Variants in CLASP1 observed in about 807,000 individuals in gnomAD.
The protein encoded by CLASP1 is cytoplasmic linker associated protein 1, also known as CLIP-associating protein 1.
In CLASP1, 38 loss-of-function variants were observed where a neutral mutation model predicts 192.3. The observed-to-expected ratio is 0.20, with a 90% CI of 0.15 to 0.26. The LOEUF is 0.26. CLASP1 is among the 10% of genes least tolerant of loss of function. The pLI, the probability that CLASP1 is intolerant of heterozygous loss-of-function variation, is 1.00. For missense variants in CLASP1, 1,433 were observed against 1,932.5 expected (o/e 0.74, Z 4.85); for synonymous variants, 691 against 712.8 (o/e 0.97, Z 0.49).
chr2:121,598,801 G>T (rs984911207), intron 2 of CLASP1, among the ~76,000 whole-genome samples: 3 of 152,206 alleles, frequency 2.0e-5, no homozygotes, highest in Admixed American at 2.0e-4. Flanking sequence ...ATATACATCT[G>T]TCTGTAAAGA....
chr2:121,426,628 G>GT (rs1414871422), intron 21 of CLASP1, among the ~76,000 whole-genome samples: 1 of 151,950 alleles, frequency 6.6e-6, no homozygotes, highest in Non-Finnish European at 1.5e-5. Context: ...TAAAAATTGT[G>GT]TATTAAGCCT....
intron 7 of CLASP1, among the ~76,000 whole-genome samples, chr2:121,510,657 G>A (rs116456164): frequency 0.041 from 6,176 of 151,718 alleles, 436 homozygotes; most frequent in African/African-American, 0.14. Context: ...AATTACCCGC[G>A]CATGGTAGCA....
At chr2:121,484,247 CAAGT>C (rs1393084716) in intron 8 of CLASP1, among the ~76,000 whole-genome samples, 6 of 152,178 alleles carry the variant, frequency 3.9e-5, no homozygotes, top group African/African-American at 1.4e-4. Flanking sequence ...CCAAATAGGT[CAAGT>C]GAGTGTGCCA....
intron 1 of CLASP1, among the ~76,000 whole-genome samples, chr2:121,615,795 A>AT (rs2066357064): frequency 6.6e-6 from 1 of 152,202 alleles, no homozygotes; most frequent in Admixed American, 6.5e-5. Flanking sequence ...AAAAAAATAA[A>AT]TAAAATACAA....
At chr2:121,348,555 G>A in exon 38 of CLASP1, 1 of 1,613,220 alleles carries the variant, frequency 6.2e-7, no homozygotes, top group Non-Finnish European at 8.5e-7. Context: ...CTGCAGCAAT[G>A]ACTCCTTTGC....
chr2:121,380,457 T>A (rs1574066894), intron 33 of CLASP1, among the ~76,000 whole-genome samples: 1 of 152,112 alleles, frequency 6.6e-6, no homozygotes, highest in South Asian at 2.1e-4. Flanking sequence ...AATTCCTTAA[T>A]CAGCCAATAG....
intron 6 of CLASP1, among the ~76,000 whole-genome samples, chr2:121,516,341 G>A (rs1346291632): frequency 6.6e-6 from 1 of 152,190 alleles, no homozygotes; most frequent in African/African-American, 2.4e-5. Flanking sequence ...TCACATTAGG[G>A]GATGTCAAGG....
chr2:121,355,303 A>G (rs1226077906), intron 37 of CLASP1, among the ~76,000 whole-genome samples: 1 of 151,888 alleles, frequency 6.6e-6, no homozygotes, highest in Non-Finnish European at 1.5e-5. Flanking sequence ...ATTTTTTTGT[A>G]TTTTTAGTAG....
At chr2:121,599,468 G>A (rs1200643748) in intron 2 of CLASP1, among the ~76,000 whole-genome samples, 8 of 150,216 alleles carry the variant, frequency 5.3e-5, no homozygotes, top group African/African-American at 2.0e-4. Context: ...CATGCCTGTA[G>A]TCCCAGCTAC....
chr2:121,512,748 TTAC>T (rs1488784242), intron 7 of CLASP1, among the ~76,000 whole-genome samples: 1 of 152,224 alleles, frequency 6.6e-6, no homozygotes, highest in Non-Finnish European at 1.5e-5. Context: ...TTGAATGGGA[TTAC>T]TACTCTTGCT....
chr2:121,370,513 T>C (rs2068415518), intron 34 of CLASP1, among the ~76,000 whole-genome samples: 2 of 152,174 alleles, frequency 1.3e-5, no homozygotes, highest in Non-Finnish European at 2.9e-5. Flanking sequence ...TTAGTAGAGA[T>C]GGGGTTTCAC....
intron 19 of CLASP1, among the ~76,000 whole-genome samples, chr2:121,431,692 T>A (rs1055164305): frequency 6.6e-6 from 1 of 152,048 alleles, no homozygotes; most frequent in East Asian, 1.9e-4. Context: ...CGTATTCTAC[T>A]TTCCCCCAAC....
chr2:121,349,269 A>G (rs571449401), intron 37 of CLASP1, among the ~76,000 whole-genome samples: 1 of 151,834 alleles, frequency 6.6e-6, no homozygotes, highest in South Asian at 2.1e-4. Flanking sequence ...AAGAAAAGAA[A>G]AGTGGTACTC....
At chr2:121,436,866 C>T (rs77653801) in intron 19 of CLASP1, among the ~76,000 whole-genome samples, 5,638 of 152,314 alleles carry the variant, frequency 0.037, 156 homozygotes, top group East Asian at 0.14. Context: ...TATTTTCTAA[C>T]TCTGTACTAC....
chr2:121,409,891 G>A (rs2077453035), intron 24 of CLASP1, among the ~76,000 whole-genome samples: 1 of 152,150 alleles, frequency 6.6e-6, no homozygotes, highest in African/African-American at 2.4e-5. Flanking sequence ...CTTGCCTACA[G>A]GAAAAGGATT....
At chr2:121,400,981 T>C (rs1337626083) in intron 28 of CLASP1, among the ~76,000 whole-genome samples, 1 of 152,184 alleles carries the variant, frequency 6.6e-6, no homozygotes, top group Non-Finnish European at 1.5e-5. Flanking sequence ...AGCATGTACT[T>C]TTTCTAACTT....
At chr2:121,406,968 A>C (rs2077001560) in intron 25 of CLASP1, among the ~76,000 whole-genome samples, 1 of 151,442 alleles carries the variant, frequency 6.6e-6, no homozygotes, top group Non-Finnish European at 1.5e-5. Context: ...CTGTAAGCCC[A>C]GCACTTTGGG....
chr2:121,416,360 A>C (rs2078575505), intron 23 of CLASP1, among the ~76,000 whole-genome samples: 1 of 152,252 alleles, frequency 6.6e-6, no homozygotes, highest in Non-Finnish European at 1.5e-5. Flanking sequence ...CAAAACAATA[A>C]AAATGCAAAC....
chr2:121,447,639 T>C, intron 18 of CLASP1, 132 bp from the exon 19 acceptor site: 2 of 766,644 alleles, frequency 2.6e-6, no homozygotes, highest in Non-Finnish European at 2.0e-6. Flanking sequence ...CATAAAAAAC[T>C]GACAAACAGT....
Sources: gnomAD v4.1 joint callset for allele counts (sites outside exome capture counted in the v4.1 genomes callset) on GRCh38, gnomAD v4.1.1 for gene constraint, MANE v1.5 for transcripts, NCBI Gene and HGNC (gene_info 2026-07-23, HGNC 2026-07-21) for gene names.